The following PCLO variants were observed in gnomAD, a reference collection of about 807,000 sequenced individuals.
The protein encoded by PCLO is protein piccolo.
Under a neutral mutation model 427.5 loss-of-function variants are expected in PCLO, and 82 were observed. The ratio of observed to expected loss-of-function variants is 0.19; its 90% confidence interval spans 0.16 to 0.23. The LOEUF (loss-of-function observed/expected upper bound fraction) is 0.23, where lower values mean the gene tolerates loss of function less well. Among genes scored for constraint, PCLO ranks in the 10% least tolerant of loss-of-function variants. PCLO has a pLI of 1.00. For missense variants in PCLO, 6,239 were observed against 6,115.9 expected (o/e 1.02, Z -0.67); for synonymous variants, 2,357 against 2,155.4 (o/e 1.09, Z -2.59).
rs1388016484 is a variant in PCLO, at chr7:82,821,599, T to C, written c.14791+896A>G. On this transcript the variant is annotated intron_variant, in intron 20 of 24. Coordinates refer to ENST00000333891, the MANE Select transcript of PCLO (RefSeq NM_033026.6). ...CACATATTAAGTTTTTATATAATTA[T>C]ATCAATCGACTAAATTTTCACAAAT... The C allele has an allele frequency of 1.2e-5, 12 of 967,874 alleles. No homozygotes were observed. In the South Asian group the frequency reaches 3.8e-4, roughly 31 times the overall value. 60.0% of individuals were successfully genotyped at this position (967,874 alleles called of 1,614,324 possible). A position where few individuals can be genotyped will look rare whatever the true frequency, so the allele number is the denominator to read the frequency against.
intron 4 of PCLO, among the ~76,000 whole-genome samples, chr7:82,959,758 C>T (rs534297310): frequency 1.1e-4 from 17 of 152,212 alleles, no homozygotes; most frequent in African/African-American, 3.9e-4. Context: ...AGGATTTCAT[C>T]ATTGTTTACC....
chr7:82,759,139 T>C (rs897947672), intron 24 of PCLO, among the ~76,000 whole-genome samples: 1 of 151,910 alleles, frequency 6.6e-6, no homozygotes, highest in East Asian at 1.9e-4. Context: ...TCACAGAGCA[T>C]TGTTTATATT....
chr7:83,040,305 G>T (rs561058570), intron 3 of PCLO, among the ~76,000 whole-genome samples: 1 of 152,184 alleles, frequency 6.6e-6, no homozygotes, highest in Admixed American at 6.5e-5. Context: ...CTCAGATGTT[G>T]CCCATCATAG....
At chr7:82,879,673 G>C (rs898407156) in intron 9 of PCLO, among the ~76,000 whole-genome samples, 2 of 152,036 alleles carry the variant, frequency 1.3e-5, no homozygotes, top group Admixed American at 1.3e-4. Context: ...TCCAATGATT[G>C]ACCTGATATT....
In PCLO at chr7:82,822,576, C is replaced by T. The variant is rs995469318; in HGVS notation, c.14710G>A (p.Val4904Ile). The change falls in exon 20 of 25, where the codon GTC becomes ATC. Residue 4904 changes from valine to isoleucine, a missense_variant. Around this residue, in one of 5 missense-constraint regions of PCLO, gnomAD observed 877 missense variants for 925.5 expected, o/e 0.95. Transcript: ENST00000333891. Reference protein sequence around the residue: ...GPSRSQSKTSVTQTHLEDAGA... With the variant: ...GPSRSQSKTSITQTHLEDAGA... ...GCATCTTCCAGGTGGGTCTGAGTGA[C>T]GCTGGTTTTGCTTTGACTGCGAGAT... 26 of 1,613,856 alleles carry T rather than the reference C, an allele frequency of 1.6e-5. No homozygotes were observed. The highest frequency in any genetic ancestry group is 1.7e-4 in the Middle Eastern group (1 of 6,060).
In PCLO at chr7:83,020,325, T is replaced by G. The variant is rs185217158; in HGVS notation, c.3301-53838A>C. Among the ~76,000 whole-genome samples, 182 of 152,196 alleles carry G rather than the reference T, an allele frequency of 1.2e-3. 1 individual carries two copies. Among genetic ancestry groups the G allele is most frequent in the African/African-American group, 4.2e-3 (174 of 41,562 alleles). ...CACTTGATGAAGCTTAACTAATGTATGGTGACTGCTATGGTTTGAATGTGA... is the reference window on the plus strand; with the variant it reads ...CACTTGATGAAGCTTAACTAATGTAGGGTGACTGCTATGGTTTGAATGTGA... On this transcript the variant is annotated intron_variant, in intron 3 of 24. Coordinates refer to ENST00000333891, the MANE Select transcript of PCLO (RefSeq NM_033026.6).
intron 18 of PCLO, among the ~76,000 whole-genome samples, chr7:82,826,292 A>G (rs1195956223): frequency 6.6e-6 from 1 of 152,104 alleles, no homozygotes; most frequent in Non-Finnish European, 1.5e-5. Flanking sequence ...ATTTTATAAT[A>G]TAATAAATTT....
At chr7:83,083,292 G>C (rs1367563249) in intron 3 of PCLO, among the ~76,000 whole-genome samples, 1 of 151,890 alleles carries the variant, frequency 6.6e-6, no homozygotes, top group African/African-American at 2.4e-5. Context: ...TAAATGTTTT[G>C]TTAATATGGA....
chr7:82,990,651 T>C (rs572355780), intron 3 of PCLO, among the ~76,000 whole-genome samples: 47 of 152,288 alleles, frequency 3.1e-4, no homozygotes, highest in African/African-American at 1.1e-3. Context: ...TCCTCTACCA[T>C]GTATTTAACA....
chr7:82,929,194 A>T (rs1021567819), intron 6 of PCLO, among the ~76,000 whole-genome samples: 1 of 152,200 alleles, frequency 6.6e-6, no homozygotes, highest in African/African-American at 2.4e-5. Flanking sequence ...AATTATTTCA[A>T]CAGTAATAAC....
chr7:82,933,495 C>A lies in PCLO; in HGVS notation c.11112+15981G>T, dbSNP rs78864651. On this transcript the variant is annotated intron_variant, in intron 6 of 24. Transcript: ENST00000333891. ...TTCCTATTTCCTGAACAGTCTTCAG[C>A]CTTCACAGCATCACCCTTACAAGTA... Among the ~76,000 whole-genome samples, 909 of 152,006 alleles carry A rather than the reference C, an allele frequency of 6.0e-3. 10 individuals carry two copies. Among genetic ancestry groups the A allele is most frequent in the African/African-American group, 0.021 (868 of 41,502 alleles).
intron 3 of PCLO, among the ~76,000 whole-genome samples, chr7:83,052,499 T>C (rs1789279978): frequency 1.3e-5 from 2 of 152,058 alleles, no homozygotes; most frequent in Non-Finnish European, 2.9e-5. Context: ...GATAGTCCTA[T>C]TAATTGGATA....
chr7:82,871,908 GA>G (rs982735050), intron 10 of PCLO, among the ~76,000 whole-genome samples: 2 of 148,682 alleles, frequency 1.3e-5, no homozygotes, highest in Admixed American at 6.7e-5. Context: ...TATTCAGAAG[GA>G]AAAAAAAACT....
intron 3 of PCLO, among the ~76,000 whole-genome samples, chr7:83,043,912 C>CTTTTCTTTTTTTTTTTT (rs1789033893): frequency 1.4e-4 from 13 of 94,884 alleles, no homozygotes; most frequent in Non-Finnish European, 2.2e-4. Context: ...CTATTATTTT[C>CTTTTCTTTTTTTTTTTT]TTTTTTTTTT....
chr7:82,798,417 C>A, intron 22 of PCLO, among the ~76,000 whole-genome samples: 1 of 152,070 alleles, frequency 6.6e-6, no homozygotes, highest in East Asian at 1.9e-4. Context: ...TGTTTATGTT[C>A]ACTGACAACA....
intron 22 of PCLO, among the ~76,000 whole-genome samples, chr7:82,798,079 C>T (rs1350396432): frequency 6.6e-6 from 1 of 151,968 alleles, no homozygotes; most frequent in South Asian, 2.1e-4. Context: ...GTGAACAAAC[C>T]GTCTAAAAGT....
chr7:82,879,583 G>A, intron 9 of PCLO, 121 bp from the exon 10 acceptor site: 1 of 663,872 alleles, frequency 1.5e-6, no homozygotes, highest in Non-Finnish European at 2.5e-6. Flanking sequence ...CATGAATATT[G>A]GAAATGAACA....
intron 3 of PCLO, among the ~76,000 whole-genome samples, chr7:83,012,841 C>A (rs1301605659): frequency 6.6e-6 from 1 of 152,024 alleles, no homozygotes; most frequent in Non-Finnish European, 1.5e-5. Context: ...GATAATAAAA[C>A]AGACCAGGTG....
chr7:82,778,870 T>C (rs1218695190), intron 22 of PCLO, among the ~76,000 whole-genome samples: 1 of 152,078 alleles, frequency 6.6e-6, no homozygotes, highest in Non-Finnish European at 1.5e-5. Flanking sequence ...TTATGTAATA[T>C]TATACTTGAT....
Sources: allele counts gnomAD v4.1 joint callset (sites outside exome capture counted in the v4.1 genomes callset), GRCh38; gene constraint gnomAD v4.1.1; regional missense constraint gnomAD v4.1.1; transcripts MANE v1.5; gene names NCBI Gene and HGNC (gene_info 2026-07-23, HGNC 2026-07-21).